The following PARD3 variants were observed in gnomAD, a reference collection of about 807,000 sequenced individuals.
The protein encoded by PARD3 is partitioning defective 3 homolog.
In PARD3, 75 loss-of-function variants were observed where a neutral mutation model predicts 155.4. That is an observed-to-expected ratio of 0.48 (90% confidence interval 0.40 to 0.58). The LOEUF (loss-of-function observed/expected upper bound fraction) is 0.58. Ranked by LOEUF, PARD3 falls within the 20% of genes least tolerant of loss-of-function variation. The probability of loss-of-function intolerance (pLI) is 0.00; values close to 1 mark genes in which losing one functional copy is unlikely to be tolerated. For missense variants in PARD3, 1,642 were observed against 1,721.7 expected (o/e 0.95, Z 0.82); for synonymous variants, 576 against 610.5 (o/e 0.94, Z 0.83).
chr10:34,713,239 G>A (rs989282641), intron 1 of PARD3, among the ~76,000 whole-genome samples: 4 of 143,134 alleles, frequency 2.8e-5, no homozygotes, highest in African/African-American at 9.9e-5. Flanking sequence ...TTAATTAAAA[G>A]TGGAAATTAT....
At chr10:34,211,417 G>T (rs753144251) in intron 22 of PARD3, among the ~76,000 whole-genome samples, 1 of 152,140 alleles carries the variant, frequency 6.6e-6, no homozygotes, top group Non-Finnish European at 1.5e-5. Flanking sequence ...GAACTGAGTG[G>T]GGCATACGCA....
Position 34,361,079 on chromosome 10 carries a change from C to T in PARD3, c.1708-820G>A, listed in dbSNP as rs144688625. 2.4e-3 allele frequency among the ~76,000 whole-genome samples: 360 copies of T among 152,348 alleles called. 1 individual carries two copies. Among genetic ancestry groups the T allele is most frequent in the African/African-American group, 8.4e-3 (350 of 41,590 alleles). ...CAGCCTATCATTAAGAAAGCCTACA[C>T]TCCAGAAGAGGAAGCACTCAGCCTT... On this transcript the variant is annotated intron_variant, in intron 12 of 24. Coordinates refer to ENST00000374788, the MANE Select transcript of PARD3 (RefSeq NM_001184785.2).
chr10:34,149,097 T>A (rs1948660924), intron 22 of PARD3, among the ~76,000 whole-genome samples: 2 of 152,236 alleles, frequency 1.3e-5, no homozygotes, highest in Middle Eastern at 3.4e-3. Flanking sequence ...CTGAATCTTA[T>A]AATTGATTAA....
intron 2 of PARD3, among the ~76,000 whole-genome samples, chr10:34,680,435 C>G (rs2093789777): frequency 6.6e-6 from 1 of 151,942 alleles, no homozygotes; most frequent in Non-Finnish European, 1.5e-5. Context: ...TGGTGGGAGC[C>G]TGTAATCCTA....
chr10:34,297,513 T>C (rs1956962619), intron 20 of PARD3, among the ~76,000 whole-genome samples: 1 of 152,222 alleles, frequency 6.6e-6, no homozygotes, highest in Non-Finnish European at 1.5e-5. Context: ...CACTATTTCC[T>C]AACAAGAATA....
At chr10:34,776,031 C>G (rs1564608048) in intron 1 of PARD3, among the ~76,000 whole-genome samples, 1 of 152,166 alleles carries the variant, frequency 6.6e-6, no homozygotes, top group Non-Finnish European at 1.5e-5. Flanking sequence ...TCGAGATCAG[C>G]CTGGGCAACA....
intron 2 of PARD3, among the ~76,000 whole-genome samples, chr10:34,668,053 G>A (rs908250243): frequency 3.9e-5 from 6 of 152,202 alleles, no homozygotes; most frequent in Admixed American, 6.5e-5. Context: ...GTCCTCAAGC[G>A]GCCTGAAATG....
chr10:34,429,553 A>AGTTTAGTTTTGTTTTGTTTT (rs1385255737), intron 5 of PARD3, among the ~76,000 whole-genome samples: 84 of 145,238 alleles, frequency 5.8e-4, no homozygotes, highest in African/African-American at 2.0e-3. Flanking sequence ...ACTCTAACTC[A>AGTTTAGTTTTGTTTTGTTTT]GTTTTGTTTT....
intron 22 of PARD3, among the ~76,000 whole-genome samples, chr10:34,226,820 TTGAA>T: frequency 6.6e-6 from 1 of 152,236 alleles, no homozygotes; most frequent in South Asian, 2.1e-4. Flanking sequence ...TCATCTACTG[TTGAA>T]TGAATTAAAA....
rs138875561 is a variant in PARD3, at chr10:34,649,928, G to GACAC, written c.222+46386_222+46389dup. Among the ~76,000 whole-genome samples, 103 of 150,070 alleles carry GACAC rather than the reference G, an allele frequency of 6.9e-4. 1 individual carries two copies. The highest frequency in any genetic ancestry group is 2.5e-3 in the African/African-American group (102 of 40,886). ...TGTAAACATTGTTGGGAAAAACTAA[G>GACAC]ACACACACACACACACATTAGCCTA... On this transcript the variant is annotated intron_variant, in intron 2 of 24. Coordinates refer to ENST00000374788, the MANE Select transcript of PARD3 (RefSeq NM_001184785.2).
intron 2 of PARD3, among the ~76,000 whole-genome samples, chr10:34,623,798 G>A (rs900134425): frequency 1.4e-4 from 21 of 149,840 alleles, no homozygotes; most frequent in African/African-American, 3.9e-4. Flanking sequence ...TGGCTAACAC[G>A]GTGAAACCCT....
At chr10:34,486,130 C>T (rs112537314) in intron 3 of PARD3, among the ~76,000 whole-genome samples, 1 of 151,918 alleles carries the variant, frequency 6.6e-6, no homozygotes, top group Non-Finnish European at 1.5e-5. Context: ...GTTGCCCAGG[C>T]TGGTCTCAAA....
At chr10:34,246,296 C>T (rs914326651) in intron 22 of PARD3, among the ~76,000 whole-genome samples, 3 of 152,114 alleles carry the variant, frequency 2.0e-5, no homozygotes, top group African/African-American at 7.2e-5. Context: ...AATTAACTTC[C>T]TACTATAAGC....
intron 22 of PARD3, among the ~76,000 whole-genome samples, chr10:34,247,045 C>T (rs1305185273): frequency 1.3e-5 from 2 of 151,162 alleles, no homozygotes; most frequent in Non-Finnish European, 2.9e-5. Context: ...CACCACACTC[C>T]AACTTGGGTA....
intron 1 of PARD3, among the ~76,000 whole-genome samples, chr10:34,748,943 G>C (rs367786691): frequency 2.0e-5 from 3 of 152,194 alleles, no homozygotes; most frequent in African/African-American, 7.2e-5. Flanking sequence ...TGGGCCACAG[G>C]CCCTTCACAG....
At chr10:34,456,190 T>G (rs2077330846) in intron 4 of PARD3, among the ~76,000 whole-genome samples, 1 of 152,370 alleles carries the variant, frequency 6.6e-6, no homozygotes, top group East Asian at 1.9e-4. Flanking sequence ...TGGTGGAGTC[T>G]GCAACCAGAA....
At chr10:34,303,482 G>A (rs1379355811) in intron 20 of PARD3, among the ~76,000 whole-genome samples, 2 of 137,100 alleles carry the variant, frequency 1.5e-5, no homozygotes. Flanking sequence ...AAAAAAAAAA[G>A]GAAAATATTT....
At chr10:34,546,461 G>A (rs188923001) in intron 2 of PARD3, among the ~76,000 whole-genome samples, 200 of 151,734 alleles carry the variant, frequency 1.3e-3, no homozygotes, top group Non-Finnish European at 1.8e-3. Context: ...AGGTTGCAGC[G>A]AGCCGAGACT....
intron 1 of PARD3, among the ~76,000 whole-genome samples, chr10:34,718,608 G>C (rs1017832863): frequency 6.6e-6 from 1 of 151,816 alleles, no homozygotes. Context: ...GCAGTGAGCT[G>C]TGATCACACC....
Sources: gnomAD v4.1 joint callset for allele counts (sites outside exome capture counted in the v4.1 genomes callset) on GRCh38, gnomAD v4.1.1 for gene constraint, MANE v1.5 for transcripts, NCBI Gene and HGNC (gene_info 2026-07-23, HGNC 2026-07-21) for gene names.